Variants in TNRC18 observed in about 807,000 individuals in gnomAD.
TNRC18 encodes the protein trinucleotide repeat-containing gene 18 protein.
Under a neutral mutation model 226.7 loss-of-function variants are expected in TNRC18, and 69 were observed. The ratio of observed to expected loss-of-function variants is 0.30; its 90% CI spans 0.25 to 0.37. The LOEUF is 0.37. Among genes scored for constraint, TNRC18 ranks in the 10% least tolerant of loss-of-function variants. TNRC18 has a pLI of 1.00. For missense variants in TNRC18, 4,754 were observed against 4,256.6 expected (o/e 1.12, Z -3.25); for synonymous variants, 2,449 against 1,927.6 (o/e 1.27, Z -7.09).
rs757717624 is a variant in TNRC18 at position 5,388,098 on chromosome 7, C to T, written c.1726G>A (p.Ala576Thr). The change falls in exon 5 of 30, where the codon GCC becomes ACC. Residue 576 changes from alanine to threonine, a missense_variant. Physicochemically the swap from Ala to Thr is moderately conservative, Grantham distance 58 (BLOSUM62 0). Transcript: ENST00000430969. ...GRPVADMHSAAHGSGEASAMQ... is the reference protein window; with the variant it reads ...GRPVADMHSATHGSGEASAMQ... ...GCCGAGGCCTCTCCAGACCCGTGGG[C>T]CGCAGAGTGCATGTCAGCGACCGGC... The T allele has an allele frequency of 5.8e-6, 9 of 1,553,330 alleles. No homozygotes were observed. Among genetic ancestry groups the T allele is most frequent in the Non-Finnish European group, 7.8e-6 (9 of 1,149,044 alleles).
rs184246206 is a variant in TNRC18, at chr7:5,320,474, T to C, written c.6637-48A>G. 2.2e-3 allele frequency: 3,403 copies of C among 1,567,916 alleles called. 13 individuals are homozygous for C. Among genetic ancestry groups the C allele is most frequent in the South Asian group, 4.5e-3 (383 of 85,226 alleles). ...CAAGGTGTGGACACAGTTATGGCCA[T>C]GGCCTTGGACACCCAGCCCACCCCG... On this transcript the variant is annotated intron_variant, in intron 23 of 29. Transcript: ENST00000430969.
At position 5,352,006 on chromosome 7, in the gene TNRC18, C is replaced by T. The variant is rs369521058; in HGVS notation, c.5283G>A (p.Leu1761=). ...TGCTGTTCTTTGCCACCATGCTACA[C>T]AGGAGGGAAGGCGTCAGTTTGGAGC... ...PSSSKLTPSL[L]CSMVAKNSKA... Residue 1761 remains leucine (L), a synonymous_variant, in exon 17 of 30, where the codon CTG becomes CTA. Coordinates refer to ENST00000430969, the MANE Select transcript of TNRC18 (RefSeq NM_001080495.3). 5 of 1,613,898 alleles carry T rather than the reference C, an allele frequency of 3.1e-6. No individual in the cohort carries two copies. The African/African-American group carries it at 6.7e-5, about 22-fold the overall frequency.
intron 18 of TNRC18, among the ~76,000 whole-genome samples, chr7:5,340,374 T>C (rs1209750140): frequency 3.9e-5 from 6 of 152,052 alleles, no homozygotes; most frequent in Admixed American, 2.6e-4. Flanking sequence ...TCTGTGAAGG[T>C]TGAGAGAAGT....
chr7:5,345,517 G>GCCCCCCCCCCCCCCCCCC lies in TNRC18; in HGVS notation c.5719+44_5719+45insGGGGGGGGGGGGGGGGGG. The GCCCCCCCCCCCCCCCCCC allele has an allele frequency of 1.9e-5, 7 of 377,744 alleles. 1 individual carries two copies. Among genetic ancestry groups the GCCCCCCCCCCCCCCCCCC allele is most frequent in the South Asian group, 8.8e-5 (2 of 22,822 alleles). 23.4% of individuals were successfully genotyped at this position (377,744 alleles called of 1,614,324 possible). A position where few individuals can be genotyped will look rare whatever the true frequency, so the allele number is the denominator to read the frequency against. ...CCTGTGGGATGGGGCAATGGCGTCC[G>GCCCCCCCCCCCCCCCCCC]CCCCTCCCACCCACCCCCACCGCAG... On this transcript the variant is annotated intron_variant, in intron 18 of 29. Transcript: ENST00000430969.
intron 22 of TNRC18, 95 bp from the exon 23 acceptor site, chr7:5,320,702 G>A (rs868104425): frequency 9.3e-5 from 97 of 1,041,214 alleles, no homozygotes; most frequent in Middle Eastern, 9.2e-4. Context: ...AGACCACTGG[G>A]AGGTAACACC....
intron 19 of TNRC18, among the ~76,000 whole-genome samples, chr7:5,325,966 T>C (rs918119773): frequency 3.3e-5 from 5 of 151,316 alleles, no homozygotes; most frequent in South Asian, 2.1e-4. Context: ...ACTCCTGGTC[T>C]CAAGCAATCC....
chr7:5,396,745 C>G lies in TNRC18; in HGVS notation c.188-2150G>C, dbSNP rs1445355093. Among the ~76,000 whole-genome samples, 15 of 152,196 alleles carry G rather than the reference C, an allele frequency of 9.9e-5. No individual in the cohort carries two copies. The South Asian group carries it at 1.7e-3, about 17-fold the overall frequency. ...CCTTTAAGGCCCTGTGTTGTGAGCACTGTTTACAGGGGGCATGGATAAGTT... is the reference window on the plus strand; with the variant it reads ...CCTTTAAGGCCCTGTGTTGTGAGCAGTGTTTACAGGGGGCATGGATAAGTT... On this transcript the variant is annotated intron_variant, in intron 2 of 29. Coordinates refer to ENST00000430969, the MANE Select transcript of TNRC18 (RefSeq NM_001080495.3).
At chr7:5,361,474 T>G in intron 14 of TNRC18, 120 bp downstream of exon 14, 1 of 1,239,896 alleles carries the variant, frequency 8.1e-7, no homozygotes, top group Middle Eastern at 2.9e-4. Flanking sequence ...CTGCTGCGGG[T>G]AGGTCAGAGC....
chr7:5,317,109 G>A (rs1787925790), intron 24 of TNRC18, among the ~76,000 whole-genome samples: 1 of 152,172 alleles, frequency 6.6e-6, no homozygotes, highest in African/African-American at 2.4e-5. Context: ...AATCTGGGCA[G>A]CCCCCTAACA....
At chr7:5,348,257 G>C (rs994245227) in intron 17 of TNRC18, among the ~76,000 whole-genome samples, 19 of 152,204 alleles carry the variant, frequency 1.2e-4, no homozygotes, top group African/African-American at 4.3e-4. Flanking sequence ...CATCCAAAGT[G>C]CCACCCATGA....
intron 2 of TNRC18, among the ~76,000 whole-genome samples, chr7:5,409,050 C>T (rs1215267544): frequency 6.6e-6 from 1 of 152,132 alleles, no homozygotes; most frequent in Non-Finnish European, 1.5e-5. Flanking sequence ...GAATTCTTGC[C>T]TGTGAGATAT....
At chr7:5,381,783 T>C (rs1198848134) in intron 5 of TNRC18, among the ~76,000 whole-genome samples, 2 of 151,978 alleles carry the variant, frequency 1.3e-5, no homozygotes, top group South Asian at 2.1e-4. Context: ...CTGGCTAACA[T>C]GGTGAAACCT....
intron 18 of TNRC18, among the ~76,000 whole-genome samples, chr7:5,339,219 CTTTT>C (rs544268764): frequency 7.8e-6 from 1 of 127,542 alleles, no homozygotes; most frequent in East Asian, 3.3e-4. Context: ...TTTTTTGTTT[CTTTT>C]TTTTTCTTTT....
intron 16 of TNRC18, among the ~76,000 whole-genome samples, chr7:5,355,324 TC>T (rs1454471973): frequency 6.6e-6 from 1 of 152,180 alleles, no homozygotes; most frequent in East Asian, 1.9e-4. Flanking sequence ...TCAGGAATGC[TC>T]CATTTCAAGA....
At position 5,351,884 on chromosome 7, in the gene TNRC18, A is replaced by G; in HGVS notation, c.5405T>C (p.Leu1802Pro). 1.2e-6 allele frequency: 2 copies of G among 1,613,486 alleles called. No homozygotes were observed. Among genetic ancestry groups the G allele is most frequent in the Non-Finnish European group, 1.7e-6 (2 of 1,179,690 alleles). Reference protein sequence around the residue: ...PATSRKQPFCLLLREAEARSS... With the variant: ...PATSRKQPFCPLLREAEARSS... ...ACGCGCCTCGGCCTCTCGAAGCAGCAGACAAAACGGCTGCTTCCTGCTGGT... is the reference window on the plus strand; with the variant it reads ...ACGCGCCTCGGCCTCTCGAAGCAGCGGACAAAACGGCTGCTTCCTGCTGGT... Residue 1802 changes from leucine (L) to proline (P), a missense_variant, in exon 17 of 30, where the codon CTG becomes CCG. Physicochemically the swap from Leu to Pro is moderately conservative, Grantham distance 98. Coordinates refer to ENST00000430969, the MANE Select transcript of TNRC18 (RefSeq NM_001080495.3).
chr7:5,406,397 G>A (rs1781464948), intron 2 of TNRC18, among the ~76,000 whole-genome samples: 1 of 152,174 alleles, frequency 6.6e-6, no homozygotes, highest in Non-Finnish European at 1.5e-5. Flanking sequence ...AAAAGGCGGA[G>A]GTTGCAGTGA....
rs1354711333 is a variant in TNRC18, at chr7:5,356,960, G to A, written c.5150C>T (p.Ser1717Leu). The change falls in exon 16 of 30, where the codon TCG becomes TTG. Residue 1717 changes from serine (S) to leucine (L), a missense_variant. Coordinates refer to ENST00000430969, the MANE Select transcript of TNRC18 (RefSeq NM_001080495.3). ...TTCCGAGGCAAACGGGGAATGGGCC[G>A]ACTTGGGCTGGCCTCTGGCCTTGAA... Reference protein sequence around the residue: ...VGFKARGQPKSAHSPFASEVS... With the variant: ...VGFKARGQPKLAHSPFASEVS... The A allele has an allele frequency of 2.6e-6, 4 of 1,551,810 alleles. No individual in the cohort carries two copies. Among genetic ancestry groups the A allele is most frequent in the South Asian group, 1.2e-5 (1 of 84,022 alleles).
intron 18 of TNRC18, among the ~76,000 whole-genome samples, chr7:5,335,506 C>A (rs1239713210): frequency 2.0e-5 from 3 of 150,182 alleles, no homozygotes; most frequent in African/African-American, 7.4e-5. Context: ...ACTCAAGAGG[C>A]TGAGGCAGGA....
At chr7:5,347,337 C>A (rs1004557559) in intron 17 of TNRC18, among the ~76,000 whole-genome samples, 3 of 151,044 alleles carry the variant, frequency 2.0e-5, no homozygotes, top group Non-Finnish European at 4.4e-5. Flanking sequence ...CAGGCGCCCA[C>A]CACCACACCA....
Sources: gnomAD v4.1 joint callset for allele counts (sites outside exome capture counted in the v4.1 genomes callset) on GRCh38, gnomAD v4.1.1 for gene constraint, MANE v1.5 for transcripts, NCBI Gene and HGNC (gene_info 2026-07-23, HGNC 2026-07-21) for gene names.